Variants in ASIC2 observed in about 807,000 individuals in gnomAD.
The protein encoded by ASIC2 is acid-sensing ion channel 2.
Under a neutral mutation model 57.3 loss-of-function variants are expected in ASIC2, and 25 were observed. The observed-to-expected ratio is 0.44, with a 90% CI of 0.32 to 0.61. ASIC2 has a LOEUF of 0.61. ASIC2 is among the 20% of genes least tolerant of loss of function. The probability of loss-of-function intolerance (pLI) is 0.06; values close to 1 mark genes in which losing one functional copy is unlikely to be tolerated. For missense variants in ASIC2, 641 were observed against 738.1 expected (o/e 0.87, Z 1.52); for synonymous variants, 319 against 307.5 (o/e 1.04, Z -0.39).
chr17:33,248,190 C>T (rs1236792070), intron 1 of ASIC2, among the ~76,000 whole-genome samples: 3 of 152,136 alleles, frequency 2.0e-5, no homozygotes, highest in Non-Finnish European at 4.4e-5. Flanking sequence ...GTGGCTATCT[C>T]ACGAAAGAAC....
chr17:33,777,806 G>A (rs530035852), intron 1 of ASIC2, among the ~76,000 whole-genome samples: 95 of 152,258 alleles, frequency 6.2e-4, no homozygotes, highest in African/African-American at 2.1e-3. Context: ...GGTTATTATC[G>A]TAACAAGACA....
chr17:33,647,612 G>C (rs1434848362), intron 1 of ASIC2, among the ~76,000 whole-genome samples: 4 of 152,186 alleles, frequency 2.6e-5, no homozygotes, highest in Admixed American at 6.5e-5. Context: ...GCTTGTGTGT[G>C]TTCACCCATG....
chr17:33,724,178 A>G (rs1373357169), intron 1 of ASIC2, among the ~76,000 whole-genome samples: 1 of 152,300 alleles, frequency 6.6e-6, no homozygotes, highest in East Asian at 1.9e-4. Context: ...CGGCTGCCAT[A>G]TAAGACATGA....
chr17:33,331,831 G>A (rs567074091), intron 1 of ASIC2, among the ~76,000 whole-genome samples: 34 of 152,280 alleles, frequency 2.2e-4, no homozygotes, highest in African/African-American at 6.0e-4. Flanking sequence ...GCAACTGCCC[G>A]TAGTCATTCT....
At chr17:33,065,881 A>C (rs2092041379) in intron 3 of ASIC2, among the ~76,000 whole-genome samples, 1 of 152,218 alleles carries the variant, frequency 6.6e-6, no homozygotes, top group South Asian at 2.1e-4. Context: ...AATGATTTTC[A>C]ATCCACTTTG....
chr17:33,934,067 G>A (rs963212539), intron 1 of ASIC2, among the ~76,000 whole-genome samples: 3 of 152,072 alleles, frequency 2.0e-5, no homozygotes, highest in African/African-American at 7.2e-5. Flanking sequence ...GGACTTCTGG[G>A]GGCACATTGA....
chr17:33,412,215 T>C (rs1910688061), intron 1 of ASIC2, among the ~76,000 whole-genome samples: 1 of 152,176 alleles, frequency 6.6e-6, no homozygotes, highest in African/African-American at 2.4e-5. Flanking sequence ...AGAGAAGAGT[T>C]TATTGTATGA....
intron 1 of ASIC2, among the ~76,000 whole-genome samples, chr17:34,084,298 G>C (rs945262922): frequency 1.6e-4 from 24 of 152,274 alleles, no homozygotes; most frequent in Non-Finnish European, 2.2e-4. Context: ...TTATTAAATA[G>C]GGAATCCTTT....
chr17:33,107,989 G>GT lies in ASIC2; in HGVS notation c.859+3927dup, dbSNP rs949123751. On this transcript the variant is annotated intron_variant, in intron 2 of 9. Coordinates refer to ENST00000225823, the MANE Select transcript of ASIC2 (RefSeq NM_183377.2). ...TTGGAATAATCTCTGCTTCTGGAGT[G>GT]TTTTTTTTGACCATCTTCCCACCTG... Among the ~76,000 whole-genome samples the GT allele has an allele frequency of 2.9e-3, 437 of 152,028 alleles. 2 individuals are homozygous for GT. The highest frequency in any genetic ancestry group is 3.4e-3 in the Non-Finnish European group (234 of 67,956).
intron 1 of ASIC2, among the ~76,000 whole-genome samples, chr17:33,312,074 T>C (rs1436113758): frequency 6.6e-6 from 1 of 152,252 alleles, no homozygotes; most frequent in Non-Finnish European, 1.5e-5. Context: ...TTGTGCATCT[T>C]ATTGCATATG....
intron 1 of ASIC2, among the ~76,000 whole-genome samples, chr17:33,450,715 T>G (rs1242164097): frequency 6.6e-6 from 1 of 152,226 alleles, no homozygotes. Context: ...AGAAAGAGAC[T>G]GCCTCCATGA....
At chr17:33,872,262 C>T (rs752135826) in intron 1 of ASIC2, among the ~76,000 whole-genome samples, 1 of 152,154 alleles carries the variant, frequency 6.6e-6, no homozygotes, top group Non-Finnish European at 1.5e-5. Context: ...CGCCACAGAA[C>T]ATCGGGCCAC....
intron 1 of ASIC2, among the ~76,000 whole-genome samples, chr17:33,718,294 G>A (rs1003910106): frequency 6.6e-6 from 1 of 152,134 alleles, no homozygotes; most frequent in Non-Finnish European, 1.5e-5. Context: ...TAGTTGAATC[G>A]ACAGGTATAT....
At chr17:33,435,721 C>T (rs1911588216) in intron 1 of ASIC2, among the ~76,000 whole-genome samples, 2 of 152,188 alleles carry the variant, frequency 1.3e-5, no homozygotes, top group South Asian at 2.1e-4. Context: ...GAATTAGGAT[C>T]CACCATTTAT....
At chr17:33,562,652 G>A (rs977058615) in intron 1 of ASIC2, among the ~76,000 whole-genome samples, 1 of 152,162 alleles carries the variant, frequency 6.6e-6, no homozygotes, top group Non-Finnish European at 1.5e-5. Flanking sequence ...AAAAAGGAGC[G>A]TCTCAGACCA....
chr17:33,954,740 T>C (rs1904681157), intron 1 of ASIC2, among the ~76,000 whole-genome samples: 1 of 152,238 alleles, frequency 6.6e-6, no homozygotes, highest in African/African-American at 2.4e-5. Context: ...AGATGTCTTA[T>C]GCAACAGAAC....
chr17:34,080,453 G>C (rs1909836220), intron 1 of ASIC2, among the ~76,000 whole-genome samples: 2 of 152,194 alleles, frequency 1.3e-5, no homozygotes, highest in South Asian at 4.1e-4. Context: ...CTGGTGAGCT[G>C]GATCCAGACT....
chr17:33,607,622 A>T (rs1156235657), intron 1 of ASIC2, among the ~76,000 whole-genome samples: 1 of 152,166 alleles, frequency 6.6e-6, no homozygotes, highest in African/African-American at 2.4e-5. Context: ...CATCTCCCCG[A>T]TGAGGGAAAC....
At chr17:33,474,694 A>G (rs1228144818) in intron 1 of ASIC2, among the ~76,000 whole-genome samples, 1 of 152,218 alleles carries the variant, frequency 6.6e-6, no homozygotes, top group Non-Finnish European at 1.5e-5. Context: ...TGGCCTGACC[A>G]GAAGCTCAAG....
Sources: allele counts gnomAD v4.1 joint callset (sites outside exome capture counted in the v4.1 genomes callset), GRCh38; gene constraint gnomAD v4.1.1; transcripts MANE v1.5; gene names NCBI Gene and HGNC (gene_info 2026-07-23, HGNC 2026-07-21).